SLC25A13: variants seen among roughly 807,000 people sequenced by gnomAD.
SLC25A13 encodes the protein solute carrier family 25 member 13.
SLC25A13 carries 70 observed loss-of-function variants against 85.5 expected under a neutral mutation model. That is an observed-to-expected ratio of 0.82 (90% CI 0.68 to 1.00). The LOEUF (loss-of-function observed/expected upper bound fraction) is 1.00. Among genes scored for constraint, SLC25A13 ranks in the 50% least tolerant of loss-of-function variants. The pLI is 0.00. For synonymous variants in SLC25A13, 259 were observed against 288.7 expected (o/e 0.90, Z 1.04); for missense variants, 765 against 819.8 (o/e 0.93, Z 0.82).
At chr7:96,144,168 G>A (rs550547735) in intron 14 of SLC25A13, among the ~76,000 whole-genome samples, 28 of 152,298 alleles carry the variant, frequency 1.8e-4, no homozygotes, top group African/African-American at 6.7e-4. Context: ...ACCACGTAAA[G>A]GTGAAGTGGG....
At chr7:96,303,662 G>A (rs1799635884) in intron 1 of SLC25A13, among the ~76,000 whole-genome samples, 1 of 152,154 alleles carries the variant, frequency 6.6e-6, no homozygotes, top group African/African-American at 2.4e-5. Flanking sequence ...GGAGTTGGGG[G>A]GCACCTTCTG....
At chr7:96,259,643 T>C (rs1305762693) in intron 3 of SLC25A13, among the ~76,000 whole-genome samples, 2 of 152,196 alleles carry the variant, frequency 1.3e-5, no homozygotes, top group Non-Finnish European at 2.9e-5. Flanking sequence ...TGGAAGTCAG[T>C]GTGGTGATTC....
intron 1 of SLC25A13, among the ~76,000 whole-genome samples, chr7:96,303,424 A>C (rs1003730768): frequency 1.3e-5 from 2 of 152,112 alleles, no homozygotes; most frequent in African/African-American, 2.4e-5. Flanking sequence ...ACAGTCCTGC[A>C]TAGTCTTTTG....
chr7:96,246,788 A>G (rs1452015818), intron 3 of SLC25A13, among the ~76,000 whole-genome samples: 1 of 152,188 alleles, frequency 6.6e-6, no homozygotes, highest in Non-Finnish European at 1.5e-5. Context: ...AAGAAATAAA[A>G]TTATTCATGG....
chr7:96,277,747 AT>A (rs1359386799), intron 2 of SLC25A13, among the ~76,000 whole-genome samples: 3 of 152,148 alleles, frequency 2.0e-5, no homozygotes, highest in Non-Finnish European at 4.4e-5. Flanking sequence ...GTTTATAGAA[AT>A]TTGGAAAGAC....
chr7:96,231,208 T>C (rs1190053843), intron 4 of SLC25A13, among the ~76,000 whole-genome samples: 1 of 152,144 alleles, frequency 6.6e-6, no homozygotes, highest in Non-Finnish European at 1.5e-5. Context: ...AAAGATTTCA[T>C]GACAAAGACA....
At chr7:96,229,691 A>G (rs1386038021) in intron 4 of SLC25A13, among the ~76,000 whole-genome samples, 1 of 152,046 alleles carries the variant, frequency 6.6e-6, no homozygotes, top group Non-Finnish European at 1.5e-5. Flanking sequence ...AGGAATGAAC[A>G]ACTCCAGAAG....
At chr7:96,168,147 CAAACACACACACAG>C (rs1793848254) in intron 13 of SLC25A13, among the ~76,000 whole-genome samples, 1 of 115,066 alleles carries the variant, frequency 8.7e-6, no homozygotes, top group Admixed American at 1.0e-4. Context: ...TGCACACACA[CAAACACACACACAG>C]AAAATGGAAC....
intron 13 of SLC25A13, among the ~76,000 whole-genome samples, chr7:96,150,149 A>G (rs1239226648): frequency 6.6e-6 from 1 of 151,654 alleles, no homozygotes; most frequent in Non-Finnish European, 1.5e-5. Flanking sequence ...AATCTTAGTT[A>G]TCATCTAGTA....
At chr7:96,193,008 C>T (rs1300022971) in intron 6 of SLC25A13, 29 bp downstream of exon 6, 2 of 1,612,190 alleles carry the variant, frequency 1.2e-6, no homozygotes, top group African/African-American at 2.7e-5. Flanking sequence ...CTGAGTTAAA[C>T]CACTTCATTA....
intron 3 of SLC25A13, among the ~76,000 whole-genome samples, chr7:96,275,934 T>C (rs1012125741): frequency 6.6e-6 from 1 of 152,212 alleles, no homozygotes; most frequent in Non-Finnish European, 1.5e-5. Flanking sequence ...AAAGTGCTAG[T>C]GAAAACTGAG....
chr7:96,222,514 C>T (rs1306371259), intron 4 of SLC25A13, among the ~76,000 whole-genome samples: 2 of 152,172 alleles, frequency 1.3e-5, no homozygotes, highest in Non-Finnish European at 2.9e-5. Flanking sequence ...GGCACGATCT[C>T]GGCTCACTGC....
chr7:96,198,599 T>C (rs1227518107), intron 5 of SLC25A13, among the ~76,000 whole-genome samples: 1 of 152,196 alleles, frequency 6.6e-6, no homozygotes, highest in East Asian at 1.9e-4. Context: ...GTAACTAGCC[T>C]AAAGTCACAC....
chr7:96,121,653 A>C lies in SLC25A13; in HGVS notation c.1841+2T>G. ...TAGCAGCAGATTTAGCATGATACTT[A>C]CACTCCTCCAAAATCAATGTAGAAC... On this transcript the variant is annotated splice_donor_variant, in intron 17 of 17. Transcript: ENST00000265631. LOFTEE classifies it high-confidence loss of function. 6.2e-7 allele frequency: 1 copy of C among 1,614,070 alleles called. No homozygotes were observed. Among genetic ancestry groups the C allele is most frequent in the African/African-American group, 1.3e-5 (1 of 75,034 alleles).
chr7:96,253,484 T>C lies in SLC25A13; in HGVS notation c.213-18567A>G, dbSNP rs1797512481. On this transcript the variant is annotated intron_variant, in intron 3 of 17. Coordinates refer to ENST00000265631, the MANE Select transcript of SLC25A13 (RefSeq NM_014251.3). Reference sequence around the variant, plus strand: ...ACAGGCTCACATGGGATAGGTCACTTGTCTAAGATCCCACAGATTTTAAAA... The same window carrying C: ...ACAGGCTCACATGGGATAGGTCACTCGTCTAAGATCCCACAGATTTTAAAA... Among the ~76,000 whole-genome samples the C allele has an allele frequency of 2.6e-5, 4 of 152,352 alleles. No homozygotes were observed. In the South Asian group the frequency reaches 8.3e-4, roughly 32 times the overall value.
At chr7:96,172,523 A>G (rs1211044583) in intron 11 of SLC25A13, among the ~76,000 whole-genome samples, 2 of 151,152 alleles carry the variant, frequency 1.3e-5, no homozygotes, top group African/African-American at 4.9e-5. Flanking sequence ...GCACCACTGC[A>G]CTCCAGCCCG....
intron 1 of SLC25A13, among the ~76,000 whole-genome samples, chr7:96,313,453 C>A (rs1264685796): frequency 2.0e-5 from 3 of 152,170 alleles, no homozygotes; most frequent in Non-Finnish European, 2.9e-5. Context: ...AAAATCATGT[C>A]CTTTGCAACA....
At chr7:96,132,945 G>A (rs192353605) in intron 14 of SLC25A13, among the ~76,000 whole-genome samples, 3 of 152,156 alleles carry the variant, frequency 2.0e-5, no homozygotes, top group East Asian at 1.9e-4. Flanking sequence ...TTCCTGACAC[G>A]CACATTTCAC....
chr7:96,159,691 T>A (rs898235329), intron 13 of SLC25A13, among the ~76,000 whole-genome samples: 1 of 151,824 alleles, frequency 6.6e-6, no homozygotes, highest in African/African-American at 2.4e-5. Flanking sequence ...CAATATAGAA[T>A]TTTTTTTTCT....
Sources: gnomAD v4.1 joint callset for allele counts (sites outside exome capture counted in the v4.1 genomes callset) on GRCh38, gnomAD v4.1.1 for gene constraint, MANE v1.5 for transcripts, NCBI Gene and HGNC (gene_info 2026-07-23, HGNC 2026-07-21) for gene names.